F13A1: variants seen among roughly 807,000 people sequenced by gnomAD.
F13A1 encodes the protein coagulation factor XIII A chain.
Under a neutral mutation model 80.1 loss-of-function variants are expected in F13A1, and 47 were observed. The observed-to-expected ratio is 0.59, with a 90% CI of 0.46 to 0.75. The LOEUF is 0.75. Ranked by LOEUF, F13A1 falls within the 30% of genes least tolerant of loss-of-function variation. The probability of loss-of-function intolerance (pLI) is 0.00; values close to 1 mark genes in which losing one functional copy is unlikely to be tolerated. For synonymous variants in F13A1, 349 were observed against 344.9 expected (o/e 1.01, Z -0.13); for missense variants, 817 against 930.4 (o/e 0.88, Z 1.59).
At chr6:6,167,324 TA>T (rs1367032700) in intron 13 of F13A1, 133 bp downstream of exon 13, 16 of 855,500 alleles carry the variant, frequency 1.9e-5, no homozygotes, top group South Asian at 1.2e-4. Context: ...CTAGCACTGG[TA>T]TTTTTTTTTT....
intron 2 of F13A1, among the ~76,000 whole-genome samples, chr6:6,315,069 A>G (rs1758659612): frequency 6.6e-6 from 1 of 152,228 alleles, no homozygotes; most frequent in Non-Finnish European, 1.5e-5. Flanking sequence ...TCCAGTTTTA[A>G]TTCAATACAA....
chr6:6,306,237 G>C (rs1184739862), intron 2 of F13A1, among the ~76,000 whole-genome samples: 1 of 152,194 alleles, frequency 6.6e-6, no homozygotes, highest in Non-Finnish European at 1.5e-5. Flanking sequence ...TAATGGGCCA[G>C]TTCAAAAGTC....
At chr6:6,298,944 G>A in intron 3 of F13A1, among the ~76,000 whole-genome samples, 1 of 148,390 alleles carries the variant, frequency 6.7e-6, no homozygotes, top group Non-Finnish European at 1.5e-5. Flanking sequence ...GGCAGGCCTG[G>A]TGGTGACAAA....
chr6:6,153,194 A>G (rs1457113948), intron 13 of F13A1, among the ~76,000 whole-genome samples: 2 of 152,240 alleles, frequency 1.3e-5, no homozygotes, highest in Non-Finnish European at 2.9e-5. Context: ...CAACACAGCC[A>G]TTACTATTCC....
intron 11 of F13A1, 75 bp from the exon 12 acceptor site, chr6:6,174,942 G>A (rs771870460): frequency 2.4e-5 from 37 of 1,541,392 alleles, no homozygotes; most frequent in African/African-American, 4.1e-5. Flanking sequence ...TGGATGCACC[G>A]TGTACTGCAC....
Position 6,182,174 on chromosome 6 carries a change from T to A in F13A1, c.1306-33A>T, listed in dbSNP as rs750731826. 6.8e-6 allele frequency: 11 copies of A among 1,612,820 alleles called. No homozygotes were observed. The South Asian group carries it at 8.8e-5, about 13-fold the overall frequency. ...CAGGAGAGGAGAGCATTAGCCATCA[T>A]CACATGTCTGCTGTTGCCAAAGTCT... On this transcript the variant is annotated intron_variant, in intron 10 of 14. Transcript: ENST00000264870.
chr6:6,308,340 G>A (rs1344603028), intron 2 of F13A1, among the ~76,000 whole-genome samples: 1 of 151,890 alleles, frequency 6.6e-6, no homozygotes, highest in Non-Finnish European at 1.5e-5. Flanking sequence ...CTGTTTTTAA[G>A]AAGTTATTTC....
intron 13 of F13A1, among the ~76,000 whole-genome samples, chr6:6,161,244 T>C (rs774746935): frequency 2.5e-4 from 38 of 152,160 alleles, no homozygotes; most frequent in Non-Finnish European, 3.7e-4. Context: ...AGAGATTCCA[T>C]GCCACTAGGT....
chr6:6,194,744 A>C (rs1379184161), intron 10 of F13A1, among the ~76,000 whole-genome samples: 1 of 152,168 alleles, frequency 6.6e-6, no homozygotes, highest in East Asian at 1.9e-4. Context: ...TGAACCTTAG[A>C]ATTCCCCCCA....
At position 6,164,885 on chromosome 6, in the gene F13A1, C is replaced by T. The variant is rs75769129; in HGVS notation, c.1908+2573G>A. Among the ~76,000 whole-genome samples, 652 of 151,760 alleles carry T rather than the reference C, an allele frequency of 4.3e-3. 3 individuals are homozygous for T. The highest frequency in any genetic ancestry group is 0.015 in the African/African-American group (628 of 41,374). On this transcript the variant is annotated intron_variant, in intron 13 of 14. Transcript: ENST00000264870. Reference sequence around the variant, plus strand: ...CCCCTGCTATGACTCTGCATTTCACCTCTCCAGGAGGCTAGGCAGGTCCCC... The same window carrying T: ...CCCCTGCTATGACTCTGCATTTCACTTCTCCAGGAGGCTAGGCAGGTCCCC...
At chr6:6,283,212 T>C (rs1477765707) in intron 3 of F13A1, among the ~76,000 whole-genome samples, 2 of 152,228 alleles carry the variant, frequency 1.3e-5, no homozygotes, top group African/African-American at 4.8e-5. Context: ...AATTACTGCC[T>C]TGTAATGTTC....
At position 6,158,472 on chromosome 6, in the gene F13A1, G is replaced by A. The variant is rs186419492; in HGVS notation, c.1909-6523C>T. On this transcript the variant is annotated intron_variant, in intron 13 of 14. Coordinates refer to ENST00000264870, the MANE Select transcript of F13A1 (RefSeq NM_000129.4). The stretch of plus-strand genomic sequence containing the variant: ...TAAAGGGAGAACATGTTGCCAGGGT[G>A]ACCCTGAGAACCTCCTCACCTATAG... 5.6e-3 allele frequency among the ~76,000 whole-genome samples: 850 copies of A among 152,330 alleles called. 2 individuals are homozygous for A. The highest frequency in any genetic ancestry group is 9.4e-3 in the Non-Finnish European group (642 of 68,036).
At position 6,180,413 on chromosome 6, in the gene F13A1, T is replaced by C. The variant is rs150514014; in HGVS notation, c.1459+1575A>G. ...CTGCATGGGAAGGCAGGGCTGTACA[T>C]GTATCCAGCTCTACACAGCACTGGA... is the stretch of plus-strand genomic sequence containing the variant. On this transcript the variant is annotated intron_variant, in intron 11 of 14. Transcript: ENST00000264870. Among the ~76,000 whole-genome samples the C allele has an allele frequency of 2.1e-4, 32 of 151,964 alleles. No homozygotes were observed. The East Asian group carries it at 4.3e-3, about 20-fold the overall frequency.
chr6:6,298,433 T>C (rs1758365704), intron 3 of F13A1, among the ~76,000 whole-genome samples: 1 of 150,388 alleles, frequency 6.6e-6, no homozygotes, highest in East Asian at 1.9e-4. Flanking sequence ...TTGGTGCTCC[T>C]GTATTGGGTG....
At chr6:6,208,746 A>G (rs1761541379) in intron 8 of F13A1, among the ~76,000 whole-genome samples, 1 of 152,180 alleles carries the variant, frequency 6.6e-6, no homozygotes. Context: ...GATAATCAAT[A>G]AGATGATTTT....
At chr6:6,192,784 G>A (rs73720332) in intron 10 of F13A1, among the ~76,000 whole-genome samples, 2,355 of 152,238 alleles carry the variant, frequency 0.015, 57 homozygotes, top group African/African-American at 0.053. Flanking sequence ...CAGCGCCAGT[G>A]AGGGCAGGCA....
At chr6:6,189,879 G>T (rs61802154) in intron 10 of F13A1, among the ~76,000 whole-genome samples, 5,495 of 152,016 alleles carry the variant, frequency 0.036, 140 homozygotes, top group Middle Eastern at 0.085. Context: ...CGTAGATTTG[G>T]TCTTTTCACA....
intron 10 of F13A1, among the ~76,000 whole-genome samples, chr6:6,190,190 T>C (rs988031975): frequency 5.3e-5 from 8 of 151,970 alleles, no homozygotes; most frequent in African/African-American, 1.9e-4. Flanking sequence ...TAGCTCAGAG[T>C]AATTTGATCG....
chr6:6,149,306 G>A (rs754310692), intron 14 of F13A1, among the ~76,000 whole-genome samples: 8 of 152,162 alleles, frequency 5.3e-5, no homozygotes, highest in East Asian at 1.9e-4. Context: ...TATATGTATC[G>A]AAACATCAAA....
Sources: allele counts gnomAD v4.1 joint callset (sites outside exome capture counted in the v4.1 genomes callset), GRCh38; gene constraint gnomAD v4.1.1; transcripts MANE v1.5; gene names NCBI Gene and HGNC (gene_info 2026-07-23, HGNC 2026-07-21).